The following ZRANB1 variants were observed in gnomAD, a reference collection of about 807,000 sequenced individuals.
ZRANB1 encodes ubiquitin thioesterase ZRANB1.
ZRANB1 carries 16 observed loss-of-function variants against 80.5 expected under a neutral mutation model. That is an observed-to-expected ratio of 0.20 (90% CI 0.13 to 0.30). The LOEUF (loss-of-function observed/expected upper bound fraction) is 0.30. Ranked by LOEUF, ZRANB1 falls within the 10% of genes least tolerant of loss-of-function variation. The pLI is 1.00. For missense variants in ZRANB1, 576 were observed against 862.6 expected (o/e 0.67, Z 4.16); for synonymous variants, 291 against 293.1 (o/e 0.99, Z 0.07).
In ZRANB1 at chr10:124,986,171, C is replaced by G. The variant is rs1952029080; in HGVS notation, c.*1179C>G. On this transcript the variant is annotated 3_prime_UTR_variant, in exon 9 of 9. Coordinates refer to ENST00000359653, the MANE Select transcript of ZRANB1 (RefSeq NM_017580.3). Reference sequence around the variant, plus strand: ...GACCACTTCAGGTATACATTCAATACTGGGTAAAAATTTCAGACCTATCTC... The same window carrying G: ...GACCACTTCAGGTATACATTCAATAGTGGGTAAAAATTTCAGACCTATCTC... 1 of 152,438 alleles carries G rather than the reference C, an allele frequency of 6.6e-6. No homozygotes were observed. Among genetic ancestry groups the G allele is most frequent in the African/African-American group, 2.4e-5 (1 of 41,374 alleles). The allele number at this position is 152,438 out of a possible 1,614,324, so 9.4% of individuals were successfully genotyped here.
chr10:124,974,395 A>G lies in ZRANB1; in HGVS notation c.1424A>G (p.His475Arg), dbSNP rs1288013092. The change falls in exon 5 of 9, where the codon CAT becomes CGT. Residue 475 changes from histidine to arginine, a missense_variant. His to Arg is a conservative substitution (Grantham distance 29, BLOSUM62 0). Around this residue, in one of 3 missense-constraint regions of ZRANB1, gnomAD observed 411 missense variants for 583.1 expected, o/e 0.70. Transcript: ENST00000359653. ...ALHDSLHDCSHWFYTRWKDWE... is the reference protein window; with the variant it reads ...ALHDSLHDCSRWFYTRWKDWE... ...CATGACAGCCTGCATGACTGTTCAC[A>G]TTGGTGAGCTGGCATTCTGCCCTGT... is the stretch of plus-strand genomic sequence containing the variant. 1.2e-6 allele frequency: 2 copies of G among 1,614,224 alleles called. No individual in the cohort carries two copies. The highest frequency in any genetic ancestry group is 1.7e-6 in the Non-Finnish European group (2 of 1,180,010).
chr10:124,922,378 G>T, the ZRANB1 span, among the ~76,000 whole-genome samples: 4 of 147,594 alleles, frequency 2.7e-5, no homozygotes, highest in African/African-American at 1.0e-4. Flanking sequence ...CCAGGCTGGA[G>T]TGTATGGCAT....
At chr10:124,961,329 G>T (rs1414386640) in intron 1 of ZRANB1, among the ~76,000 whole-genome samples, 1 of 152,102 alleles carries the variant, frequency 6.6e-6, no homozygotes, top group Non-Finnish European at 1.5e-5. Context: ...TTTAAGAACC[G>T]TAATTTCCTT....
At chr10:124,963,554 G>GTTTTT (rs760813299) in intron 1 of ZRANB1, among the ~76,000 whole-genome samples, 148 of 57,506 alleles carry the variant, frequency 2.6e-3, no homozygotes, top group East Asian at 3.6e-3. Flanking sequence ...TTTTTTGTTT[G>GTTTTT]TTTTTTTTTT....
intron 3 of ZRANB1, among the ~76,000 whole-genome samples, 191 bp downstream of exon 3, chr10:124,972,309 A>G (rs772073739): frequency 5.3e-5 from 8 of 152,230 alleles, no homozygotes; most frequent in African/African-American, 1.7e-4. Context: ...TGCGTCTGCT[A>G]TCTGAGAGGA....
rs1952090721 is a variant in ZRANB1, at chr10:124,987,673, G to A, written c.*2681G>A. On this transcript the variant is annotated 3_prime_UTR_variant, in exon 9 of 9. Transcript: ENST00000359653. ...GCTTGTGTTAATAGACACTTTTATGGTAGAGTTGGGATGGGGCCACCACCT... is the reference window on the plus strand; with the variant it reads ...GCTTGTGTTAATAGACACTTTTATGATAGAGTTGGGATGGGGCCACCACCT... The A allele has an allele frequency of 6.6e-6, 1 of 152,128 alleles. No individual in the cohort carries two copies. Among genetic ancestry groups the A allele is most frequent in the African/African-American group, 2.4e-5 (1 of 41,428 alleles). The allele number at this position is 152,128 out of a possible 1,614,324, so 9.4% of individuals were successfully genotyped here.
Position 124,985,215 on chromosome 10 carries a change from T to C in ZRANB1, c.*223T>C. The C allele has an allele frequency of 2.2e-6, 1 of 458,756 alleles. No homozygotes were observed. Among genetic ancestry groups the C allele is most frequent in the Admixed American group, 3.9e-5 (1 of 25,896 alleles). 28.4% of individuals were successfully genotyped at this position (458,756 alleles called of 1,614,324 possible). ...GACTACAGTTTGTAAAAAAAACTAA[T>C]TTTATTAAGACAGAACTTTTTTTCC... On this transcript the variant is annotated 3_prime_UTR_variant, in exon 9 of 9. Coordinates refer to ENST00000359653, the MANE Select transcript of ZRANB1 (RefSeq NM_017580.3).
chr10:124,962,461 C>T (rs1652689702), intron 1 of ZRANB1: 1 of 931,180 alleles, frequency 1.1e-6, no homozygotes, highest in Non-Finnish European at 1.3e-6. Flanking sequence ...AGTTAATAAC[C>T]ATTATAATTT....
At chr10:124,927,525 A>G in the ZRANB1 span, among the ~76,000 whole-genome samples, 1 of 152,204 alleles carries the variant, frequency 6.6e-6, no homozygotes, top group Non-Finnish European at 1.5e-5. Flanking sequence ...AACGGGAACT[A>G]GTTCAGTTTT....
the ZRANB1 span, among the ~76,000 whole-genome samples, chr10:124,924,436 C>A: frequency 6.6e-6 from 1 of 152,058 alleles, no homozygotes; most frequent in Admixed American, 6.6e-5. Flanking sequence ...AATCCTGGAA[C>A]ATTTTCATGA....
At chr10:124,962,466 T>C (rs1209099740) in intron 1 of ZRANB1, 2 of 912,520 alleles carry the variant, frequency 2.2e-6, no homozygotes, top group Non-Finnish European at 2.6e-6. Flanking sequence ...ATAACCATTA[T>C]AATTTTATGT....
At position 124,985,145 on chromosome 10, in the gene ZRANB1, G is replaced by A; in HGVS notation, c.*153G>A. On this transcript the variant is annotated 3_prime_UTR_variant, in exon 9 of 9. Coordinates refer to ENST00000359653, the MANE Select transcript of ZRANB1 (RefSeq NM_017580.3). ...TTTTCCTGGACCACACACACCTTATGGAGATAATGCCTCTGCTGCGTGAGG... is the reference window on the plus strand; with the variant it reads ...TTTTCCTGGACCACACACACCTTATAGAGATAATGCCTCTGCTGCGTGAGG... 1 of 605,464 alleles carries A rather than the reference G, an allele frequency of 1.7e-6. No homozygotes were observed. The highest frequency in any genetic ancestry group is 2.9e-6 in the Non-Finnish European group (1 of 346,298). The allele number at this position is 605,464 out of a possible 1,614,324, so 37.5% of individuals were successfully genotyped here. A position where few individuals can be genotyped will look rare whatever the true frequency, so the allele number is the denominator to read the frequency against.
At chr10:124,955,118 C>T (rs1364763507) in intron 1 of ZRANB1, among the ~76,000 whole-genome samples, 3 of 151,702 alleles carry the variant, frequency 2.0e-5, no homozygotes, top group African/African-American at 7.3e-5. Context: ...CACGGAGACT[C>T]TGTCTCAAAA....
intron 1 of ZRANB1, 125 bp from the exon 2 acceptor site, chr10:124,966,469 A>G: frequency 2.2e-6 from 2 of 922,618 alleles, no homozygotes; most frequent in South Asian, 3.3e-5. Flanking sequence ...TAGGACATTT[A>G]AATGATGCAT....
intron 5 of ZRANB1, 120 bp from the exon 6 acceptor site, chr10:124,981,589 A>G (rs978188171): frequency 3.1e-6 from 3 of 972,984 alleles, no homozygotes; most frequent in South Asian, 4.2e-5. Flanking sequence ...CAGACAAAAT[A>G]AAATTATTAA....
chr10:124,972,776 GTT>G (rs200331458), intron 3 of ZRANB1, among the ~76,000 whole-genome samples: 3 of 141,792 alleles, frequency 2.1e-5, no homozygotes, highest in Admixed American at 7.1e-5. Flanking sequence ...TTTTGTTGCT[GTT>G]TTTTTTTTTT....
chr10:124,955,478 A>G (rs911037664), intron 1 of ZRANB1, among the ~76,000 whole-genome samples: 3 of 152,130 alleles, frequency 2.0e-5, no homozygotes, highest in Admixed American at 2.0e-4. Flanking sequence ...GTAAAAGGAA[A>G]GTGAGTGCTA....
In ZRANB1 at chr10:124,986,942, GT is replaced by G. The variant is rs1479393249; in HGVS notation, c.*1951del. The stretch of plus-strand genomic sequence containing the variant: ...TCTACTGTGTGTTGTGGTCTGGTGA[GT>G]GTTGTTTCCCCTGAGCGCTCTATTA... On this transcript the variant is annotated 3_prime_UTR_variant, in exon 9 of 9. Coordinates refer to ENST00000359653, the MANE Select transcript of ZRANB1 (RefSeq NM_017580.3). The G allele has an allele frequency of 6.6e-6, 1 of 152,356 alleles. No homozygotes were observed. Among genetic ancestry groups the G allele is most frequent in the African/African-American group, 2.4e-5 (1 of 41,430 alleles). The allele number at this position is 152,356 out of a possible 1,614,324, so 9.4% of individuals were successfully genotyped here. A position where few individuals can be genotyped will look rare whatever the true frequency, so the allele number is the denominator to read the frequency against.
chr10:124,942,403 A>C lies in ZRANB1; in HGVS notation c.-91A>C. 1 of 1,547,714 alleles carries C rather than the reference A, an allele frequency of 6.5e-7. No homozygotes were observed. The highest frequency in any genetic ancestry group is 8.7e-7 in the Non-Finnish European group (1 of 1,147,832). ...GAAGGACTTGCTTTTTGGGCAGCGT[A>C]TTTTTGGAGGTGGAATGTAGTTATT... is the stretch of plus-strand genomic sequence containing the variant. On this transcript the variant is annotated 5_prime_UTR_variant, in exon 1 of 9. Coordinates refer to ENST00000359653, the MANE Select transcript of ZRANB1 (RefSeq NM_017580.3).
Sources: allele counts gnomAD v4.1 joint callset (sites outside exome capture counted in the v4.1 genomes callset), GRCh38; gene constraint gnomAD v4.1.1; regional missense constraint gnomAD v4.1.1; transcripts MANE v1.5; gene names NCBI Gene and HGNC (gene_info 2026-07-23, HGNC 2026-07-21).